DEPTOR: variants seen among roughly 807,000 people sequenced by gnomAD.
The protein encoded by DEPTOR is DEP domain-containing mTOR-interacting protein.
DEPTOR carries 41 observed loss-of-function variants against 41.6 expected under a neutral mutation model. That is an observed-to-expected ratio of 0.98 (90% confidence interval 0.77 to 1.28). The LOEUF (loss-of-function observed/expected upper bound fraction) is 1.28. Among genes scored for constraint, DEPTOR ranks in the 50% most tolerant of loss-of-function variants. DEPTOR has a pLI of 0.00. For missense variants in DEPTOR, 514 were observed against 527.9 expected, an observed-to-expected ratio of 0.97 and a Z score of 0.26; for synonymous variants, 195 against 192.3, an observed-to-expected ratio of 1.01 and a Z score of -0.12.
intron 3 of DEPTOR, among the ~76,000 whole-genome samples, chr8:119,942,079 G>A (rs1828211284): frequency 6.6e-6 from 1 of 152,124 alleles, no homozygotes; most frequent in Admixed American, 6.5e-5. Context: ...ATGGCAATTT[G>A]TTAACATGCA....
At chr8:119,960,896 A>G (rs1828481471) in intron 3 of DEPTOR, among the ~76,000 whole-genome samples, 2 of 152,004 alleles carry the variant, frequency 1.3e-5, no homozygotes, top group Admixed American at 1.3e-4. Context: ...AGGCAGGATA[A>G]TTGCCTGAAT....
intron 1 of DEPTOR, among the ~76,000 whole-genome samples, chr8:119,902,094 A>G (rs898643611): frequency 1.3e-5 from 2 of 152,102 alleles, no homozygotes; most frequent in Non-Finnish European, 2.9e-5. Flanking sequence ...CCTTAATCCT[A>G]TGAGCAGAGA....
chr8:119,913,107 G>T (rs559021421), intron 1 of DEPTOR, among the ~76,000 whole-genome samples: 2 of 152,080 alleles, frequency 1.3e-5, no homozygotes, highest in Non-Finnish European at 2.9e-5. Flanking sequence ...TTTTAGTAGA[G>T]ATGGGGTTTC....
In DEPTOR at chr8:120,038,617, G is replaced by T. The variant is rs1321257026; in HGVS notation, c.1102-10959G>T. Among the ~76,000 whole-genome samples the T allele has an allele frequency of 4.0e-5, 6 of 150,432 alleles. No individual in the cohort carries two copies. The East Asian group carries it at 1.2e-3, about 29-fold the overall frequency. Reference sequence around the variant, plus strand: ...CAAAAAAAAAAAAAAAAAGAAAAAAGAAATAAATAAACAAATAATAAATAA... The same window carrying T: ...CAAAAAAAAAAAAAAAAAGAAAAAATAAATAAATAAACAAATAATAAATAA... On this transcript the variant is annotated intron_variant, in intron 8 of 8. Coordinates refer to ENST00000286234, the MANE Select transcript of DEPTOR (RefSeq NM_022783.4).
chr8:119,956,146 A>T (rs916744475), intron 3 of DEPTOR, among the ~76,000 whole-genome samples: 1 of 152,358 alleles, frequency 6.6e-6, no homozygotes, highest in Non-Finnish European at 1.5e-5. Context: ...TGGTTATTTT[A>T]AGCCACCAAG....
chr8:120,039,073 C>G (rs979411338), intron 8 of DEPTOR, among the ~76,000 whole-genome samples: 1 of 152,158 alleles, frequency 6.6e-6, no homozygotes, highest in African/African-American at 2.4e-5. Context: ...AATCCTAACT[C>G]TCAAAGCGAT....
Position 120,030,487 on chromosome 8 carries a change from A to G in DEPTOR, c.1102-19089A>G, listed in dbSNP as rs529815609. On this transcript the variant is annotated intron_variant, in intron 8 of 8. Coordinates refer to ENST00000286234, the MANE Select transcript of DEPTOR (RefSeq NM_022783.4). ...TCTGGGTGATAATGATGTATTGTGTAGGTTCATCAGTTTTTTTTTTTTTTT... is the reference window on the plus strand; with the variant it reads ...TCTGGGTGATAATGATGTATTGTGTGGGTTCATCAGTTTTTTTTTTTTTTT... Among the ~76,000 whole-genome samples, 528 of 94,076 alleles carry G rather than the reference A, an allele frequency of 5.6e-3. 1 individual carries two copies. The highest frequency in any genetic ancestry group is 9.4e-3 in the Non-Finnish European group (435 of 46,202). The allele number at this position is 94,076 out of a possible 152,430, so 61.7% of individuals were successfully genotyped here.
intron 8 of DEPTOR, among the ~76,000 whole-genome samples, chr8:120,031,242 G>A (rs1473497224): frequency 6.6e-6 from 1 of 152,028 alleles, no homozygotes; most frequent in East Asian, 1.9e-4. Context: ...CAAGGTGGGT[G>A]GATCACCTGA....
chr8:120,047,800 C>T (rs1484092205), intron 8 of DEPTOR, among the ~76,000 whole-genome samples: 1 of 151,930 alleles, frequency 6.6e-6, no homozygotes, highest in African/African-American at 2.4e-5. Flanking sequence ...AATCCCAGCA[C>T]TTTGGGAGGC....
intron 3 of DEPTOR, among the ~76,000 whole-genome samples, chr8:119,938,944 G>GCTCTCTCTCTCTCTCTCTCTCT (rs139892847): frequency 7.9e-6 from 1 of 125,944 alleles, no homozygotes; most frequent in Admixed American, 9.0e-5. Context: ...GTTCCTTCTT[G>GCTCTCTCTCTCTCTCTCTCTCT]CTCTCTCTCT....
At chr8:119,917,173 T>A (rs1053228496) in intron 1 of DEPTOR, among the ~76,000 whole-genome samples, 1 of 152,214 alleles carries the variant, frequency 6.6e-6, no homozygotes, top group African/African-American at 2.4e-5. Context: ...AGCTACACAT[T>A]ATTAGAGTCA....
At chr8:120,040,742 G>A (rs918604857) in intron 8 of DEPTOR, among the ~76,000 whole-genome samples, 2 of 152,304 alleles carry the variant, frequency 1.3e-5, no homozygotes, top group African/African-American at 2.4e-5. Context: ...ATTTCCTAAC[G>A]TAAGTATTCT....
At chr8:119,983,242 CTT>C (rs1280734198) in intron 4 of DEPTOR, among the ~76,000 whole-genome samples, 1 of 151,354 alleles carries the variant, frequency 6.6e-6, no homozygotes, top group Non-Finnish European at 1.5e-5. Context: ...TCTTTTTTTT[CTT>C]TCTTTTTCTT....
At chr8:119,929,734 A>G in intron 2 of DEPTOR, 81 bp from the exon 3 acceptor site, 3 of 1,517,562 alleles carry the variant, frequency 2.0e-6, no homozygotes. Context: ...ATAATTCTTA[A>G]TTAGCATCAT....
chr8:119,932,798 C>T (rs966403247), intron 3 of DEPTOR, among the ~76,000 whole-genome samples: 3 of 151,990 alleles, frequency 2.0e-5, no homozygotes, highest in African/African-American at 2.4e-5. Context: ...ATAGGGGCAT[C>T]GGGGAAGACG....
intron 4 of DEPTOR, among the ~76,000 whole-genome samples, chr8:119,983,127 C>T (rs1879151): frequency 6.6e-6 from 1 of 152,090 alleles, no homozygotes; most frequent in Non-Finnish European, 1.5e-5. Flanking sequence ...ATGGGTATAC[C>T]GATGTTAATG....
intron 4 of DEPTOR, among the ~76,000 whole-genome samples, chr8:119,992,973 C>T (rs1371511949): frequency 2.6e-5 from 4 of 152,058 alleles, no homozygotes; most frequent in African/African-American, 9.7e-5. Flanking sequence ...GTTTTATATT[C>T]AGGAGAACCT....
intron 4 of DEPTOR, among the ~76,000 whole-genome samples, chr8:119,978,357 A>C (rs1316984486): frequency 6.6e-6 from 1 of 152,202 alleles, no homozygotes; most frequent in Non-Finnish European, 1.5e-5. Flanking sequence ...GCTCGCTAGA[A>C]GAGCATATCA....
intron 1 of DEPTOR, among the ~76,000 whole-genome samples, chr8:119,905,569 C>T (rs1342499115): frequency 1.3e-5 from 2 of 151,610 alleles, no homozygotes; most frequent in African/African-American, 4.8e-5. Flanking sequence ...TTCTGCTTGC[C>T]CATCTCTTAT....
Sources: allele counts gnomAD v4.1 joint callset (sites outside exome capture counted in the v4.1 genomes callset), GRCh38; gene constraint gnomAD v4.1.1; transcripts MANE v1.5; gene names NCBI Gene and HGNC (gene_info 2026-07-23, HGNC 2026-07-21).